Variants in SCN8A observed in about 807,000 individuals in gnomAD.
The protein encoded by SCN8A is sodium voltage-gated channel alpha subunit 8.
In SCN8A, 30 loss-of-function variants were observed where a neutral mutation model predicts 184.1. The ratio of observed to expected loss-of-function variants is 0.16; its 90% CI spans 0.12 to 0.22. SCN8A has a LOEUF of 0.22. SCN8A is among the 10% of genes least tolerant of loss of function. SCN8A has a pLI of 1.00. For synonymous variants in SCN8A, 852 were observed against 907.0 expected (o/e 0.94, Z 1.09); for missense variants, 1,057 against 2,498.9 (o/e 0.42, Z 12.30).
At position 51,621,170 on chromosome 12, in the gene SCN8A, T is replaced by C. The variant is rs544070776; in HGVS notation, c.-55+29811T>C. On this transcript the variant is annotated intron_variant, in intron 1 of 26. Coordinates refer to ENST00000627620, the MANE Select transcript of SCN8A (RefSeq NM_001330260.2). The stretch of plus-strand genomic sequence containing the variant: ...AGTAGAGGAAAGACTGTCAAGAAAT[T>C]TTTTATTACTTAGGTGCTATATCGT... 3.0e-4 allele frequency among the ~76,000 whole-genome samples: 45 copies of C among 152,306 alleles called. No homozygotes were observed. The South Asian group carries it at 8.5e-3, about 29-fold the overall frequency.
intron 1 of SCN8A, among the ~76,000 whole-genome samples, chr12:51,653,754 T>C (rs1940766149): frequency 6.6e-6 from 1 of 152,194 alleles, no homozygotes; most frequent in South Asian, 2.1e-4. Context: ...ATGTTTTCTA[T>C]AGCAGCTGCA....
chr12:51,770,536 C>T lies in SCN8A; in HGVS notation c.3498C>T (p.Val1166=), dbSNP rs1307347949. ...DPDACFTEGC[V]QRFKCCQVNI... is the part of the protein sequence containing the mutation. The stretch of plus-strand genomic sequence containing the variant: ...CTCTCCCGCTGGTGCCAGGTTGTGT[C>T]CAGCGGTTCAAGTGCTGCCAGGTCA... The change falls in exon 19 of 27, where the codon GTC becomes GTT. Residue 1166 remains valine, a synonymous_variant. Transcript: ENST00000627620. The T allele has an allele frequency of 1.2e-6, 2 of 1,603,828 alleles. No individual in the cohort carries two copies. The highest frequency in any genetic ancestry group is 1.3e-5 in the African/African-American group (1 of 74,824).
chr12:51,691,894 A>G (rs1941515769), intron 6 of SCN8A, among the ~76,000 whole-genome samples: 1 of 152,268 alleles, frequency 6.6e-6, no homozygotes, highest in South Asian at 2.1e-4. Flanking sequence ...TTTCTCCCAT[A>G]GAGGGCTGTT....
At chr12:51,724,949 T>C (rs1942133551) in intron 12 of SCN8A, among the ~76,000 whole-genome samples, 1 of 152,170 alleles carries the variant, frequency 6.6e-6, no homozygotes, top group Non-Finnish European at 1.5e-5. Flanking sequence ...CTTTCTGTAC[T>C]GCTTTACACT....
At chr12:51,791,750 G>C (rs1189553922) in intron 25 of SCN8A, among the ~76,000 whole-genome samples, 1 of 152,160 alleles carries the variant, frequency 6.6e-6, no homozygotes, top group East Asian at 1.9e-4. Context: ...GTGGTTATGT[G>C]TACCTGTGGT....
At chr12:51,785,048 C>T (rs970025814) in intron 21 of SCN8A, among the ~76,000 whole-genome samples, 3 of 152,184 alleles carry the variant, frequency 2.0e-5, no homozygotes, top group Admixed American at 2.0e-4. Context: ...TAATCTACTC[C>T]CGTATTGTTT....
At chr12:51,632,835 G>T (rs1940226590) in intron 1 of SCN8A, among the ~76,000 whole-genome samples, 1 of 152,074 alleles carries the variant, frequency 6.6e-6, no homozygotes, top group Non-Finnish European at 1.5e-5. Context: ...GCACTTTGCA[G>T]CATGCTTAGC....
intron 21 of SCN8A, among the ~76,000 whole-genome samples, chr12:51,784,303 C>A (rs1392594197): frequency 6.6e-6 from 1 of 152,110 alleles, no homozygotes; most frequent in Non-Finnish European, 1.5e-5. Flanking sequence ...CCTGTAATCC[C>A]AGAACTTTTG....
At chr12:51,786,909 C>A in intron 22 of SCN8A, 83 bp downstream of exon 22, 1 of 1,293,516 alleles carries the variant, frequency 7.7e-7, no homozygotes, top group Non-Finnish European at 1.1e-6. Context: ...TCTTCTCAAC[C>A]CTACTTCTAG....
At chr12:51,673,207 C>T (rs1454391057) in intron 2 of SCN8A, among the ~76,000 whole-genome samples, 1 of 152,078 alleles carries the variant, frequency 6.6e-6, no homozygotes, top group Non-Finnish European at 1.5e-5. Flanking sequence ...TATTCCCAAA[C>T]AATATAGTAT....
intron 11 of SCN8A, chr12:51,713,643 A>G (rs1325615753): frequency 2.5e-5 from 15 of 595,684 alleles, no homozygotes; most frequent in African/African-American, 3.7e-5. Context: ...TCTCCTGCTC[A>G]CTCATCTCCG....
chr12:51,667,302 C>G (rs1209499535), intron 2 of SCN8A, among the ~76,000 whole-genome samples: 2 of 151,786 alleles, frequency 1.3e-5, no homozygotes, highest in Non-Finnish European at 2.9e-5. Context: ...AGCCTTTGTT[C>G]TTGTTTTTTT....
chr12:51,774,594 G>A (rs903767216), intron 20 of SCN8A, among the ~76,000 whole-genome samples: 1 of 152,174 alleles, frequency 6.6e-6, no homozygotes, highest in African/African-American at 2.4e-5. Flanking sequence ...TAGTCTGGTG[G>A]GTTTGGCTTA....
intron 19 of SCN8A, among the ~76,000 whole-genome samples, chr12:51,771,554 T>C (rs1592153048): frequency 6.6e-6 from 1 of 151,912 alleles, no homozygotes; most frequent in Admixed American, 6.6e-5. Flanking sequence ...GAGGCAGCAG[T>C]GTGTATTAAA....
chr12:51,721,306 T>G (rs958236221), intron 11 of SCN8A, among the ~76,000 whole-genome samples: 26 of 151,944 alleles, frequency 1.7e-4, no homozygotes, highest in African/African-American at 6.0e-4. Context: ...ATCTTAGGGA[T>G]GCGTGCAAGA....
intron 12 of SCN8A, chr12:51,722,773 G>A (rs564337739): frequency 1.3e-5 from 2 of 152,384 alleles, no homozygotes; most frequent in African/African-American, 4.8e-5. Context: ...GGCTCTGGAG[G>A]AGTTGCATAT....
At chr12:51,797,584 T>C (rs1938445193) in intron 26 of SCN8A, among the ~76,000 whole-genome samples, 1 of 152,218 alleles carries the variant, frequency 6.6e-6, no homozygotes, top group Non-Finnish European at 1.5e-5. Flanking sequence ...CCTAAAGGGT[T>C]TGGGGCATTT....
intron 6 of SCN8A, among the ~76,000 whole-genome samples, chr12:51,694,052 C>T (rs1486648090): frequency 2.0e-5 from 3 of 152,202 alleles, no homozygotes; most frequent in Non-Finnish European, 4.4e-5. Context: ...CCTGCCTCAG[C>T]CTCCTGAGTA....
At chr12:51,676,829 A>C (rs1017454235) in intron 2 of SCN8A, among the ~76,000 whole-genome samples, 5 of 152,174 alleles carry the variant, frequency 3.3e-5, no homozygotes, top group African/African-American at 1.2e-4. Flanking sequence ...GAAGCTCATC[A>C]GATGCCTGCA....
Sources: gnomAD v4.1 joint callset for allele counts (sites outside exome capture counted in the v4.1 genomes callset) on GRCh38, gnomAD v4.1.1 for gene constraint, MANE v1.5 for transcripts, NCBI Gene and HGNC (gene_info 2026-07-23, HGNC 2026-07-21) for gene names.